HOXA6: variants seen among roughly 807,000 people sequenced by gnomAD.
HOXA6 encodes homeobox A6, also known as homeobox protein Hox-A6.
In HOXA6, 19 loss-of-function variants were observed where a neutral mutation model predicts 23.2. The observed-to-expected ratio is 0.82, with a 90% CI of 0.57 to 1.20. The LOEUF (loss-of-function observed/expected upper bound fraction) is 1.20, where lower values mean the gene tolerates loss of function less well. Among genes scored for constraint, HOXA6 ranks in the 50% most tolerant of loss-of-function variants. The pLI is 0.00. For synonymous variants in HOXA6, 140 were observed against 132.6 expected (o/e 1.06, Z -0.38); for missense variants, 346 against 313.6 (o/e 1.10, Z -0.78).
Position 27,147,634 on chromosome 7 carries a change from G to A in HOXA6, c.116C>T (p.Pro39Leu). Reference sequence around the variant, plus strand: ...GAGACTCGACGCCCCGTACGAGGCCGGGAAGGGCCTCAGCGCGTCATAGCC... The same window carrying A: ...GAGACTCGACGCCCCGTACGAGGCCAGGAAGGGCCTCAGCGCGTCATAGCC... Reference protein sequence around the residue: ...QAGYDALRPFPASYGASSLPD... With the variant: ...QAGYDALRPFLASYGASSLPD... The change falls in exon 1 of 2, where the codon CCG (proline) becomes CTG (leucine). Residue 39 changes from proline (P) to leucine (L), a missense_variant. Pro to Leu is a moderately conservative substitution (Grantham distance 98). Transcript: ENST00000222728. 1.2e-6 allele frequency: 2 copies of A among 1,614,168 alleles called. No homozygotes were observed. The highest frequency in any genetic ancestry group is 2.2e-5 in the East Asian group (1 of 44,884).
chr7:27,145,510 G>T lies in HOXA6; in HGVS notation c.*148C>A. 2 of 891,698 alleles carry T rather than the reference G, an allele frequency of 2.2e-6. No individual in the cohort carries two copies. Among genetic ancestry groups the T allele is most frequent in the Non-Finnish European group, 3.5e-6 (2 of 579,390 alleles). 55.2% of individuals were successfully genotyped at this position (891,698 alleles called of 1,614,324 possible). A position where few individuals can be genotyped will look rare whatever the true frequency, so the allele number is the denominator to read the frequency against. On this transcript the variant is annotated 3_prime_UTR_variant, in exon 2 of 2. Transcript: ENST00000222728. ...TTGTTTTGTTTTGTAAGAAATAAAT[G>T]CACAGACGCTTGCAAAGCTCCGGGC...
In HOXA6 at chr7:27,145,763, G is replaced by C. The variant is rs773221274; in HGVS notation, c.597C>G (p.Ile199Met). 1.2e-6 allele frequency: 2 copies of C among 1,614,132 alleles called. No individual in the cohort carries two copies. The highest frequency in any genetic ancestry group is 1.3e-5 in the African/African-American group (1 of 74,942). Residue 199 changes from isoleucine (I) to methionine (M), a missense_variant, in exon 2 of 2, where the codon ATC (isoleucine) becomes ATG (methionine). By Grantham distance (10) the Ile-to-Met change is conservative. Coordinates refer to ENST00000222728, the MANE Select transcript of HOXA6 (RefSeq NM_024014.4). ...TGCGGCGGTTCTGGAACCAGATCTT[G>C]ATCTGGCGCTCGGTGAGGCAGAGCG... ...ANALCLTERQ[I>M]KIWFQNRRMK...
Position 27,145,517 on chromosome 7 carries a change from C to G in HOXA6, c.*141G>C, listed in dbSNP as rs991971374. On this transcript the variant is annotated 3_prime_UTR_variant, in exon 2 of 2. Coordinates refer to ENST00000222728, the MANE Select transcript of HOXA6 (RefSeq NM_024014.4). ...GTTTTGTAAGAAATAAATGCACAGACGCTTGCAAAGCTCCGGGCTCCCCTG... is the reference window on the plus strand; with the variant it reads ...GTTTTGTAAGAAATAAATGCACAGAGGCTTGCAAAGCTCCGGGCTCCCCTG... 34 of 960,248 alleles carry G rather than the reference C, an allele frequency of 3.5e-5. No individual in the cohort carries two copies. Among genetic ancestry groups the G allele is most frequent in the Non-Finnish European group, 5.3e-5 (34 of 641,014 alleles). 59.5% of individuals were successfully genotyped at this position (960,248 alleles called of 1,614,324 possible). A position where few individuals can be genotyped will look rare whatever the true frequency, so the allele number is the denominator to read the frequency against.
rs142508258 is a variant in HOXA6, at chr7:27,145,446, GGTTTTGTTTTGTTTTGTTTT to G, written c.*192_*211del. The G allele has an allele frequency of 0.024, 8,071 of 330,970 alleles. 484 individuals carry two copies. Among genetic ancestry groups the G allele is most frequent in the African/African-American group, 0.14 (7,070 of 50,462 alleles). The allele number at this position is 330,970 out of a possible 1,614,324, so 20.5% of individuals were successfully genotyped here. On this transcript the variant is annotated 3_prime_UTR_variant, in exon 2 of 2. Coordinates refer to ENST00000222728, the MANE Select transcript of HOXA6 (RefSeq NM_024014.4). ...CACCGCTGGTATTGGCTGTGTGTGA[GGTTTTGTTTTGTTTTGTTTT>G]GTTTTGTTTTGTTTTGTTTTGTTTT...
Position 27,147,725 on chromosome 7 carries a change from T to C in HOXA6, c.25A>G (p.Thr9Ala), listed in dbSNP as rs375214907. 2.5e-6 allele frequency: 4 copies of C among 1,610,214 alleles called. No individual in the cohort carries two copies. The highest frequency in any genetic ancestry group is 3.4e-6 in the Non-Finnish European group (4 of 1,179,306). The change falls in exon 1 of 2, where the codon ACT becomes GCT. Residue 9 changes from threonine to alanine, a missense_variant. Thr to Ala is a moderately conservative substitution (Grantham distance 58). Coordinates refer to ENST00000222728, the MANE Select transcript of HOXA6 (RefSeq NM_024014.4). MSSYFVNP[T>A]FPGSLPSGQD... ...CCGCTGGGAAGGCTCCCGGGGAAAG[T>C]GGGATTCACAAAATAGGAACTCATT...
Position 27,145,812 on chromosome 7 carries a change from C to T in HOXA6, c.548G>A (p.Arg183His), listed in dbSNP as rs1339380575. The change falls in exon 2 of 2, where the codon CGC (arginine) becomes CAC (histidine). Residue 183 changes from arginine (R) to histidine (H), a missense_variant. Coordinates refer to ENST00000222728, the MANE Select transcript of HOXA6 (RefSeq NM_024014.4). ...CGCGTTGGCGATCTCGATGCGGCGG[C>T]GCCGTGTCAGGTAGCGGTTGAAGTG... ...EFHFNRYLTR[R>H]RRIEIANALC... 10 of 1,614,142 alleles carry T rather than the reference C, an allele frequency of 6.2e-6. No individual in the cohort carries two copies. The highest frequency in any genetic ancestry group is 8.5e-6 in the Non-Finnish European group (10 of 1,180,056).
In HOXA6 at chr7:27,145,485, T is replaced by G. The variant is rs1306580116; in HGVS notation, c.*173A>C. ...TTGTTTTGTTTTGTTTTGTTTTGTT[T>G]TGTTTTGTTTTGTAAGAAATAAATG... On this transcript the variant is annotated 3_prime_UTR_variant, in exon 2 of 2. Coordinates refer to ENST00000222728, the MANE Select transcript of HOXA6 (RefSeq NM_024014.4). 1.5e-5 allele frequency: 12 copies of G among 776,062 alleles called. No homozygotes were observed. The highest frequency in any genetic ancestry group is 7.3e-5 in the Admixed American group (3 of 40,836). The allele number at this position is 776,062 out of a possible 1,614,324, so 48.1% of individuals were successfully genotyped here.
In HOXA6 at chr7:27,145,901, G is replaced by A. The variant is rs17500863; in HGVS notation, c.459C>T (p.Ser153=). 56,846 of 1,612,536 alleles carry A rather than the reference G, an allele frequency of 0.035. 2,391 individuals are homozygous for A. The highest frequency in any genetic ancestry group is 0.21 in the African/African-American group (15,764 of 74,604). The change falls in exon 2 of 2, where the codon AGC becomes AGT. Residue 153 remains serine (S), a synonymous_variant. Coordinates refer to ENST00000222728, the MANE Select transcript of HOXA6 (RefSeq NM_024014.4). ...AGGTCTGGCGGCCTCGGCGCCCATG[G>A]CTCCCATACACAGCACCTACGAGCA... ...MNSCAGAVYG[S]HGRRGRQTYT... is the part of the protein sequence containing the mutation.
At chr7:27,146,310 A>G (rs970033496) in intron 1 of HOXA6, among the ~76,000 whole-genome samples, 2 of 151,680 alleles carry the variant, frequency 1.3e-5, no homozygotes, top group African/African-American at 4.9e-5. Context: ...TAAGTAGTGT[A>G]CACACTCTGA....
At chr7:27,146,019 C>T (rs971810660) in intron 1 of HOXA6, 102 bp from the exon 2 acceptor site, 3 of 1,331,068 alleles carry the variant, frequency 2.3e-6, no homozygotes, top group Non-Finnish European at 2.0e-6. Flanking sequence ...GAAACCACCC[C>T]GCCTCCACTC....
Position 27,147,695 on chromosome 7 carries a change from C to G in HOXA6, c.55G>C (p.Asp19His), listed in dbSNP as rs1459624211. The change falls in exon 1 of 2, where the codon GAC becomes CAC. Residue 19 changes from aspartate to histidine, a missense_variant. Asp to His is a moderately conservative substitution (Grantham distance 81, BLOSUM62 -1). Coordinates refer to ENST00000222728, the MANE Select transcript of HOXA6 (RefSeq NM_024014.4). ...TFPGSLPSGQ[D>H]SFLGQLPLYQ... ...AGGGGCAGCTGGCCCAAGAAGGAGT[C>G]CTGGCCGCTGGGAAGGCTCCCGGGG... 6.2e-7 allele frequency: 1 copy of G among 1,613,266 alleles called. No homozygotes were observed. Among genetic ancestry groups the G allele is most frequent in the African/African-American group, 1.3e-5 (1 of 74,930 alleles).
chr7:27,145,573 C>CG lies in HOXA6; in HGVS notation c.*84dup. 1 of 1,524,614 alleles carries CG rather than the reference C, an allele frequency of 6.6e-7. No homozygotes were observed. The highest frequency in any genetic ancestry group is 2.3e-5 in the East Asian group (1 of 44,300). The allele number at this position is 1,524,614 out of a possible 1,614,324, so 94.4% of individuals were successfully genotyped here. A position where few individuals can be genotyped will look rare whatever the true frequency, so the allele number is the denominator to read the frequency against. ...GCGGAAGCCCCCAGATGGGAGCAGG[C>CG]GGGGAGAAAAGTTGGGGAACAGGCG... On this transcript the variant is annotated 3_prime_UTR_variant, in exon 2 of 2. Coordinates refer to ENST00000222728, the MANE Select transcript of HOXA6 (RefSeq NM_024014.4).
intron 1 of HOXA6, among the ~76,000 whole-genome samples, 199 bp from the exon 2 acceptor site, chr7:27,146,116 C>T (rs1014306388): frequency 1.3e-5 from 2 of 152,190 alleles, no homozygotes; most frequent in Non-Finnish European, 1.5e-5. Context: ...CCTATAACGA[C>T]TTGGGGTGGA....
At chr7:27,147,070 C>T (rs1042578699) in intron 1 of HOXA6, 2 of 569,716 alleles carry the variant, frequency 3.5e-6, no homozygotes, top group Non-Finnish European at 6.2e-6. Flanking sequence ...GCCAGTGCCC[C>T]CATCCTCCCC....
chr7:27,145,503 A>C lies in HOXA6; in HGVS notation c.*155T>G. The C allele has an allele frequency of 2.3e-6, 2 of 864,744 alleles. No individual in the cohort carries two copies. The highest frequency in any genetic ancestry group is 1.7e-5 in the African/African-American group (1 of 58,422). The allele number at this position is 864,744 out of a possible 1,614,324, so 53.6% of individuals were successfully genotyped here. A position where few individuals can be genotyped will look rare whatever the true frequency, so the allele number is the denominator to read the frequency against. The stretch of plus-strand genomic sequence containing the variant: ...TTTTGTTTTGTTTTGTTTTGTAAGA[A>C]ATAAATGCACAGACGCTTGCAAAGC... On this transcript the variant is annotated 3_prime_UTR_variant, in exon 2 of 2. Transcript: ENST00000222728.
chr7:27,147,613 CTCG>C lies in HOXA6; in HGVS notation c.134_136del (p.Ser45_Ser46delinsCys), dbSNP rs1562732658. The C allele has an allele frequency of 6.2e-7, 1 of 1,614,242 alleles. No homozygotes were observed. Among genetic ancestry groups the C allele is most frequent in the South Asian group, 1.1e-5 (1 of 91,088 alleles). The stretch of plus-strand genomic sequence containing the variant: ...TGAGGTGTACGTCTTGTCCGGGAGA[CTCG>C]ACGCCCCGTACGAGGCCGGGAAGGG... On this transcript the variant is annotated inframe_deletion, in exon 1 of 2. Transcript: ENST00000222728.
intron 1 of HOXA6, 86 bp from the exon 2 acceptor site, chr7:27,146,003 AG>A (rs1252911555): frequency 6.8e-7 from 1 of 1,478,064 alleles, no homozygotes; most frequent in African/African-American, 1.4e-5. Flanking sequence ...AGAGGCACCC[AG>A]ACTAGAAACC....
At position 27,146,236 on chromosome 7, in the gene HOXA6, G is replaced by GGT. The variant is rs1170483226; in HGVS notation, c.443-321_443-320dup. Among the ~76,000 whole-genome samples the GGT allele has an allele frequency of 7.0e-5, 8 of 113,758 alleles. No individual in the cohort carries two copies. The East Asian group carries it at 1.7e-3, about 25-fold the overall frequency. 74.6% of individuals were successfully genotyped at this position (113,758 alleles called of 152,430 possible). A position where few individuals can be genotyped will look rare whatever the true frequency, so the allele number is the denominator to read the frequency against. On this transcript the variant is annotated intron_variant, in intron 1 of 1. Coordinates refer to ENST00000222728, the MANE Select transcript of HOXA6 (RefSeq NM_024014.4). The stretch of plus-strand genomic sequence containing the variant: ...AGGTCGTGTTTTTGTGGGGATGCAG[G>GGT]GTGTGTGTGTGTGTTTGTGTGTGTG...
chr7:27,147,401 T>C lies in HOXA6; in HGVS notation c.349A>G (p.Ser117Gly). The change falls in exon 1 of 2, where the codon AGC (serine) becomes GGC (glycine). Residue 117 changes from serine (S) to glycine (G), a missense_variant. Transcript: ENST00000222728. ...PEQQYKPDSS[S>G]GQGKALHDEG... ...TCATGGAGTGCTTTGCCCTGCCCGC[T>C]GCTGCTGTCGGGTTTGTACTGCTGC... The C allele has an allele frequency of 2.5e-6, 4 of 1,614,214 alleles. No homozygotes were observed. Among genetic ancestry groups the C allele is most frequent in the Non-Finnish European group, 3.4e-6 (4 of 1,180,044 alleles).
Sources: allele counts gnomAD v4.1 joint callset (sites outside exome capture counted in the v4.1 genomes callset), GRCh38; gene constraint gnomAD v4.1.1; transcripts MANE v1.5; gene names NCBI Gene and HGNC (gene_info 2026-07-23, HGNC 2026-07-21).